TIA1: variants seen among roughly 807,000 people sequenced by gnomAD.
TIA1 encodes the protein TIA1 cytotoxic granule associated RNA binding protein.
In TIA1, 23 loss-of-function variants were observed where a neutral mutation model predicts 65.9. The observed-to-expected ratio is 0.35, with a 90% confidence interval of 0.25 to 0.49. The LOEUF is 0.49. Among genes scored for constraint, TIA1 ranks in the 20% least tolerant of loss-of-function variants. TIA1 has a pLI of 0.98. For missense variants in TIA1, 371 were observed against 477.9 expected (o/e 0.78, Z 2.09); for synonymous variants, 147 against 149.4 (o/e 0.98, Z 0.12).
At chr2:70,233,301 G>A (rs902803826) in intron 2 of TIA1, among the ~76,000 whole-genome samples, 3 of 152,070 alleles carry the variant, frequency 2.0e-5, no homozygotes, top group Non-Finnish European at 4.4e-5. Flanking sequence ...CACTGGCAAT[G>A]ACTTGTAAAA....
chr2:70,230,185 G>A (rs1168034561), intron 3 of TIA1, among the ~76,000 whole-genome samples: 1 of 150,536 alleles, frequency 6.6e-6, no homozygotes, highest in Non-Finnish European at 1.5e-5. Context: ...AGAGCTTGCA[G>A]TGAGCTGAGA....
At position 70,214,377 on chromosome 2, in the gene TIA1, C is replaced by T. The variant is rs200963371; in HGVS notation, c.1006G>A (p.Gly336Ser). ...GWQVPAYGMY[G>S]QAWNQQGFNQ... is the part of the protein sequence containing the mutation. ...AATCCTTGCTGGTTCCATGCCTGGCCATACATTCCATATGCAGGAACTTGC... is the reference window on the plus strand; with the variant it reads ...AATCCTTGCTGGTTCCATGCCTGGCTATACATTCCATATGCAGGAACTTGC... Residue 336 changes from glycine (G) to serine (S), a missense_variant, in exon 12 of 13, where the codon GGC (glycine) becomes AGC (serine). Transcript: ENST00000433529. 7.3e-5 allele frequency: 118 copies of T among 1,613,146 alleles called. No homozygotes were observed. The highest frequency in any genetic ancestry group is 7.5e-5 in the Non-Finnish European group (88 of 1,179,706).
rs968989353 is a variant in TIA1 at position 70,210,292 on chromosome 2, G to C, written c.*2427C>G. The C allele has an allele frequency of 1.3e-5, 2 of 152,106 alleles. No individual in the cohort carries two copies. The highest frequency in any genetic ancestry group is 4.8e-5 in the African/African-American group (2 of 41,400). 9.4% of individuals were successfully genotyped at this position (152,106 alleles called of 1,614,324 possible). A position where few individuals can be genotyped will look rare whatever the true frequency, so the allele number is the denominator to read the frequency against. ...ACCCATTAAGTGTAAATCACTTCAGGTTCTTTACAGTACCAGAAAGTAAAA... is the reference window on the plus strand; with the variant it reads ...ACCCATTAAGTGTAAATCACTTCAGCTTCTTTACAGTACCAGAAAGTAAAA... On this transcript the variant is annotated 3_prime_UTR_variant, in exon 13 of 13. Transcript: ENST00000433529.
At chr2:70,234,798 G>C (rs759443596) in intron 2 of TIA1, among the ~76,000 whole-genome samples, 3 of 152,074 alleles carry the variant, frequency 2.0e-5, no homozygotes, top group Non-Finnish European at 4.4e-5. Flanking sequence ...CTGACCTCAT[G>C]ATCTGCCTGC....
chr2:70,222,043 G>C (rs562874147), intron 7 of TIA1, among the ~76,000 whole-genome samples: 2 of 151,986 alleles, frequency 1.3e-5, no homozygotes, highest in Non-Finnish European at 2.9e-5. Context: ...GTCTCCCAAA[G>C]TGCTGGGATT....
chr2:70,228,673 T>C (rs1356086595), intron 5 of TIA1: 2 of 985,322 alleles, frequency 2.0e-6, no homozygotes, highest in Non-Finnish European at 2.4e-6. Flanking sequence ...AAAGAAAAGT[T>C]ACCCATATTT....
intron 6 of TIA1, chr2:70,224,839 A>G (rs1558819431): frequency 2.3e-6 from 3 of 1,312,272 alleles, no homozygotes; most frequent in Non-Finnish European, 1.9e-6. Flanking sequence ...GTATATATGT[A>G]TATTTATATT....
At chr2:70,247,566 CAAAG>C (rs1004221306) in intron 1 of TIA1, among the ~76,000 whole-genome samples, 6 of 152,038 alleles carry the variant, frequency 3.9e-5, no homozygotes, top group African/African-American at 1.4e-4. Flanking sequence ...CCTCGAAAAA[CAAAG>C]AACGCAGTTG....
At position 70,209,907 on chromosome 2, in the gene TIA1, A is replaced by C. The variant is rs576043219; in HGVS notation, c.*2812T>G. The C allele has an allele frequency of 3.1e-5, 12 of 393,344 alleles. No individual in the cohort carries two copies. The highest frequency in any genetic ancestry group is 8.9e-5 in the Admixed American group (2 of 22,542). The allele number at this position is 393,344 out of a possible 1,614,324, so 24.4% of individuals were successfully genotyped here. A position where few individuals can be genotyped will look rare whatever the true frequency, so the allele number is the denominator to read the frequency against. ...CTGCCTTCTCAAATGGAATAGAACT[A>C]TAACACACAAATAAAAGGAAGATGT... On this transcript the variant is annotated 3_prime_UTR_variant, in exon 13 of 13. Transcript: ENST00000433529.
chr2:70,244,583 C>G (rs1693383399), intron 1 of TIA1, among the ~76,000 whole-genome samples: 1 of 152,062 alleles, frequency 6.6e-6, no homozygotes, highest in Non-Finnish European at 1.5e-5. Context: ...CGCCTGTAAT[C>G]CCAGCACTTT....
rs1173876292 is a variant in TIA1, at chr2:70,212,270, C to G, written c.*449G>C. 2 of 154,084 alleles carry G rather than the reference C, an allele frequency of 1.3e-5. No homozygotes were observed. Among genetic ancestry groups the G allele is most frequent in the Non-Finnish European group, 2.9e-5 (2 of 69,148 alleles). The allele number at this position is 154,084 out of a possible 1,614,324, so 9.5% of individuals were successfully genotyped here. ...TTTTTTAACCTAAAACAGAATTGTG[C>G]ACAAGCTGAAGATGACAAACAACTT... On this transcript the variant is annotated 3_prime_UTR_variant, in exon 13 of 13. Coordinates refer to ENST00000433529, the MANE Select transcript of TIA1 (RefSeq NM_022173.4).
chr2:70,224,647 C>T lies in TIA1; in HGVS notation c.399-18G>A. On this transcript the variant is annotated intron_variant, in intron 6 of 12. Transcript: ENST00000433529. Reference sequence around the variant, plus strand: ...GGGCATCTCTGAAATCAGAAACAATCAGAAGTTTAGGTTTGCAAACTATCC... The same window carrying T: ...GGGCATCTCTGAAATCAGAAACAATTAGAAGTTTAGGTTTGCAAACTATCC... 1 of 1,612,654 alleles carries T rather than the reference C, an allele frequency of 6.2e-7. No homozygotes were observed.
chr2:70,215,497 A>G lies in TIA1; in HGVS notation c.765-3T>C, dbSNP rs765576953. On this transcript the variant is annotated splice_polypyrimidine_tract_variant and splice_region_variant and intron_variant, in intron 10 of 12. Coordinates refer to ENST00000433529, the MANE Select transcript of TIA1 (RefSeq NM_022173.4). ...CTGCACTTTCATGGGAATTGAACCT[A>G]TTGAAAACAATATTAAGAATCACCA... is the stretch of plus-strand genomic sequence containing the variant. The G allele has an allele frequency of 6.2e-7, 1 of 1,604,788 alleles. No individual in the cohort carries two copies. Among genetic ancestry groups the G allele is most frequent in the East Asian group, 2.2e-5 (1 of 44,770 alleles).
chr2:70,238,440 T>C (rs1690121411), intron 1 of TIA1, among the ~76,000 whole-genome samples: 2 of 151,544 alleles, frequency 1.3e-5, no homozygotes, highest in African/African-American at 4.8e-5. Context: ...CCAGCTAATT[T>C]TTTTATATTT....
intron 10 of TIA1, 176 bp downstream of exon 10, chr2:70,216,032 G>T: frequency 1.7e-6 from 1 of 603,626 alleles, no homozygotes; most frequent in Non-Finnish European, 2.8e-6. Flanking sequence ...GAATACAGGC[G>T]TGAGCCACCG....
chr2:70,220,859 T>C (rs749827254), intron 7 of TIA1, among the ~76,000 whole-genome samples: 1 of 150,700 alleles, frequency 6.6e-6, no homozygotes, highest in Non-Finnish European at 1.5e-5. Flanking sequence ...GGATAAACAG[T>C]GGTTTTGATT....
chr2:70,216,557 A>G (rs1052460492), intron 8 of TIA1, 58 bp from the exon 9 acceptor site: 2 of 1,517,706 alleles, frequency 1.3e-6, no homozygotes, highest in Non-Finnish European at 1.8e-6. Flanking sequence ...CAGAAAGAGA[A>G]AAGTAGCATT....
intron 5 of TIA1, chr2:70,228,545 C>T: frequency 2.7e-6 from 3 of 1,111,242 alleles, no homozygotes; most frequent in South Asian, 2.0e-5. Flanking sequence ...ATAACCAACC[C>T]ATATCTGAAG....
Position 70,224,545 on chromosome 2 carries a change from T to C in TIA1, c.474+9A>G. On this transcript the variant is annotated intron_variant, in intron 7 of 12. Transcript: ENST00000433529. ...TAAGCATTATCCATGCACTTCTCAC[T>C]GAGCTCACCCATTTGTTGAAAAAGG... 1 of 1,614,068 alleles carries C rather than the reference T, an allele frequency of 6.2e-7. No individual in the cohort carries two copies. Among genetic ancestry groups the C allele is most frequent in the Non-Finnish European group, 8.5e-7 (1 of 1,179,984 alleles).
Sources: allele counts gnomAD v4.1 joint callset (sites outside exome capture counted in the v4.1 genomes callset), GRCh38; gene constraint gnomAD v4.1.1; transcripts MANE v1.5; gene names NCBI Gene and HGNC (gene_info 2026-07-23, HGNC 2026-07-21).